TIAM2: variants seen among roughly 807,000 people sequenced by gnomAD.
The protein encoded by TIAM2 is rho guanine nucleotide exchange factor TIAM2.
Under a neutral mutation model 152.9 loss-of-function variants are expected in TIAM2, and 80 were observed. The observed-to-expected ratio is 0.52, with a 90% CI of 0.44 to 0.63. The LOEUF (loss-of-function observed/expected upper bound fraction) is 0.63. TIAM2 is among the 30% of genes least tolerant of loss of function. The pLI is 0.00. For missense variants in TIAM2, 1,965 were observed against 2,120.1 expected (o/e 0.93, Z 1.44); for synonymous variants, 804 against 838.0 (o/e 0.96, Z 0.70).
intron 15 of TIAM2, among the ~76,000 whole-genome samples, chr6:155,239,310 G>GT (rs1236131446): frequency 6.6e-6 from 1 of 152,200 alleles, no homozygotes; most frequent in Non-Finnish European, 1.5e-5. Flanking sequence ...GCGTTGTTCA[G>GT]TAAGAATTTC....
chr6:155,161,466 A>G (rs574723801), intron 7 of TIAM2, among the ~76,000 whole-genome samples: 2 of 152,262 alleles, frequency 1.3e-5, no homozygotes, highest in South Asian at 4.1e-4. Flanking sequence ...TAGTGCTGTT[A>G]AAAATACTTT....
At chr6:155,138,242 G>T (rs1045049462) in intron 5 of TIAM2, among the ~76,000 whole-genome samples, 2 of 152,254 alleles carry the variant, frequency 1.3e-5, no homozygotes, top group Non-Finnish European at 1.5e-5. Context: ...AGAAAAAAAA[G>T]TCAGTAACCA....
chr6:155,067,044 T>A (rs1323955639), intron 1 of TIAM2, among the ~76,000 whole-genome samples: 1 of 152,162 alleles, frequency 6.6e-6, no homozygotes, highest in Non-Finnish European at 1.5e-5. Context: ...ACAAGTTCTT[T>A]ACAAATATTT....
intron 14 of TIAM2, among the ~76,000 whole-genome samples, chr6:155,209,226 C>T (rs751976): frequency 0.41 from 61,490 of 151,318 alleles, 13,814 homozygotes; most frequent in East Asian, 0.71. Context: ...AAGCAGCCCG[C>T]GAGAGCATTT....
chr6:155,115,047 C>T (rs1778977945), intron 2 of TIAM2, among the ~76,000 whole-genome samples: 1 of 151,762 alleles, frequency 6.6e-6, no homozygotes. Flanking sequence ...AGGCTGGTCT[C>T]AAACTCCTGA....
intron 14 of TIAM2, among the ~76,000 whole-genome samples, chr6:155,201,772 A>G (rs1172938123): frequency 2.0e-5 from 3 of 152,216 alleles, no homozygotes; most frequent in African/African-American, 7.2e-5. Flanking sequence ...TTATCACAAG[A>G]CAATTGAAAC....
intron 2 of TIAM2, among the ~76,000 whole-genome samples, chr6:155,123,875 C>T (rs1269626067): frequency 1.3e-5 from 2 of 152,220 alleles, no homozygotes; most frequent in Non-Finnish European, 2.9e-5. Flanking sequence ...CACTCTGATC[C>T]ACTCACTGTG....
intron 1 of TIAM2, among the ~76,000 whole-genome samples, chr6:155,021,378 C>T (rs1776486783): frequency 6.6e-6 from 1 of 152,160 alleles, no homozygotes; most frequent in Admixed American, 6.5e-5. Context: ...TCTGCTGCCT[C>T]AGCCTCCCGA....
intron 1 of TIAM2, among the ~76,000 whole-genome samples, chr6:155,023,677 A>G (rs1460160074): frequency 6.6e-6 from 1 of 152,146 alleles, no homozygotes; most frequent in Non-Finnish European, 1.5e-5. Flanking sequence ...GGTCAGCAAT[A>G]ATGAGATTTA....
At chr6:155,074,198 C>T (rs939902870) in intron 1 of TIAM2, among the ~76,000 whole-genome samples, 3 of 152,090 alleles carry the variant, frequency 2.0e-5, no homozygotes, top group African/African-American at 4.8e-5. Context: ...AAATTCCTAA[C>T]GACAAACTTA....
chr6:155,221,897 T>C (rs1439459937), intron 15 of TIAM2, among the ~76,000 whole-genome samples: 1 of 152,214 alleles, frequency 6.6e-6, no homozygotes, highest in Admixed American at 6.5e-5. Flanking sequence ...CAGGCCAAAC[T>C]AGCCTCAGTG....
In TIAM2 at chr6:155,137,421, C is replaced by T; in HGVS notation, c.1439C>T (p.Thr480Ile). The T allele has an allele frequency of 3.7e-6, 6 of 1,614,214 alleles. No homozygotes were observed. Among genetic ancestry groups the T allele is most frequent in the Non-Finnish European group, 5.1e-6 (6 of 1,180,028 alleles). Residue 480 changes from threonine (T) to isoleucine (I), a missense_variant, in exon 5 of 27, where the codon ACA (threonine) becomes ATA (isoleucine). Physicochemically the swap from Thr to Ile is moderately conservative, Grantham distance 89 (BLOSUM62 -1). This residue lies in a region of TIAM2 where 1,025 missense variants were observed against 1,119.4 expected (regional missense o/e 0.92). Coordinates refer to ENST00000682666, the MANE Select transcript of TIAM2 (RefSeq NM_012454.4). ...AACACTGAGAACATAGAAACATCTA[C>T]AGAAACCGCCGAGTCCAGCAGCGAG... ...RTNTENIETSTETAESSSESL... is the reference protein window; with the variant it reads ...RTNTENIETSIETAESSSESL...
At chr6:155,193,974 C>T (rs1347240715) in intron 14 of TIAM2, among the ~76,000 whole-genome samples, 3 of 152,210 alleles carry the variant, frequency 2.0e-5, no homozygotes, top group Non-Finnish European at 4.4e-5. Flanking sequence ...AACTTGTGGA[C>T]TCCCTGGAAG....
At chr6:155,149,665 A>G (rs1779902205) in intron 7 of TIAM2, among the ~76,000 whole-genome samples, 1 of 152,142 alleles carries the variant, frequency 6.6e-6, no homozygotes, top group African/African-American at 2.4e-5. Context: ...GCTGACGCCT[A>G]TAATCCCGGC....
At chr6:155,066,184 C>T (rs1777690858) in intron 1 of TIAM2, among the ~76,000 whole-genome samples, 1 of 39,826 alleles carries the variant, frequency 2.5e-5, no homozygotes, top group Non-Finnish European at 6.4e-5. Flanking sequence ...CCTTTGGCCT[C>T]CCAAAGGGCT....
chr6:155,019,943 C>T (rs1291462441), intron 1 of TIAM2, among the ~76,000 whole-genome samples: 1 of 152,094 alleles, frequency 6.6e-6, no homozygotes, highest in Non-Finnish European at 1.5e-5. Flanking sequence ...GTCCCGGCTA[C>T]TTGGGAGGCT....
At chr6:155,029,789 T>A (rs904753925) in intron 1 of TIAM2, among the ~76,000 whole-genome samples, 13 of 140,356 alleles carry the variant, frequency 9.3e-5, no homozygotes, top group Non-Finnish European at 1.6e-4. Context: ...TTTTGTGTTT[T>A]TTTTGTTTTG....
chr6:155,252,297 C>A (rs1438326874), intron 23 of TIAM2, among the ~76,000 whole-genome samples: 2 of 152,106 alleles, frequency 1.3e-5, no homozygotes, highest in Non-Finnish European at 2.9e-5. Context: ...CATGGTGAAA[C>A]CCTGCCTCTA....
rs539374843 is a variant in TIAM2 at position 155,073,677 on chromosome 6, A to G, written c.-208-16612A>G. On this transcript the variant is annotated intron_variant, in intron 1 of 26. Transcript: ENST00000682666. ...ACCAGAGCAGCTGAGAAGAAAAAAA[A>G]AAGAATTGAAGAGTCTCTGGTCTCT... is the stretch of plus-strand genomic sequence containing the variant. 2.0e-5 allele frequency among the ~76,000 whole-genome samples: 3 copies of G among 152,302 alleles called. No homozygotes were observed. In the South Asian group the frequency reaches 6.2e-4, roughly 32 times the overall value.
Sources: gnomAD v4.1 joint callset for allele counts (sites outside exome capture counted in the v4.1 genomes callset) on GRCh38, gnomAD v4.1.1 for gene constraint, gnomAD v4.1.1 regional missense constraint, MANE v1.5 for transcripts, NCBI Gene and HGNC (gene_info 2026-07-23, HGNC 2026-07-21) for gene names.